LRRC4C: variants seen among roughly 807,000 people sequenced by gnomAD.
LRRC4C encodes the protein leucine-rich repeat-containing protein 4C.
Under a neutral mutation model 33.6 loss-of-function variants are expected in LRRC4C, and 5 were observed. The observed-to-expected ratio is 0.15, with a 90% confidence interval of 0.08 to 0.31. The LOEUF (loss-of-function observed/expected upper bound fraction) is 0.31, where lower values mean the gene tolerates loss of function less well. Ranked by LOEUF, LRRC4C falls within the 10% of genes least tolerant of loss-of-function variation. LRRC4C has a pLI of 1.00. For synonymous variants in LRRC4C, 329 were observed against 302.0 expected (o/e 1.09, Z -0.93); for missense variants, 560 against 796.7 (o/e 0.70, Z 3.58).
intron 5 of LRRC4C, among the ~76,000 whole-genome samples, chr11:40,207,229 G>A (rs1863225947): frequency 6.6e-6 from 1 of 152,126 alleles, no homozygotes; most frequent in Non-Finnish European, 1.5e-5. Flanking sequence ...TAAGAAGTTT[G>A]GGTGACGGAA....
chr11:40,585,599 T>C (rs1218546662), intron 3 of LRRC4C, among the ~76,000 whole-genome samples: 1 of 142,718 alleles, frequency 7.0e-6, no homozygotes, highest in African/African-American at 2.6e-5. Context: ...ATTAGGTATA[T>C]CTCCCAATGG....
chr11:40,143,748 C>G (rs1235501004), intron 5 of LRRC4C, among the ~76,000 whole-genome samples: 1 of 152,122 alleles, frequency 6.6e-6, no homozygotes, highest in Non-Finnish European at 1.5e-5. Flanking sequence ...TGTTTTATTT[C>G]GCTTGATAAA....
intron 1 of LRRC4C, among the ~76,000 whole-genome samples, chr11:41,094,736 C>G (rs919784498): frequency 2.6e-5 from 4 of 152,016 alleles, no homozygotes; most frequent in African/African-American, 9.7e-5. Flanking sequence ...AAGATCAAAG[C>G]ATTTATCTTT....
At chr11:41,345,624 A>T (rs896486814) in intron 1 of LRRC4C, among the ~76,000 whole-genome samples, 1 of 152,226 alleles carries the variant, frequency 6.6e-6, no homozygotes, top group Non-Finnish European at 1.5e-5. Context: ...AGGTAAAATC[A>T]TTTGACCCTT....
chr11:40,722,344 C>T (rs750234271), intron 2 of LRRC4C, among the ~76,000 whole-genome samples: 13 of 152,090 alleles, frequency 8.5e-5, no homozygotes, highest in Non-Finnish European at 1.8e-4. Flanking sequence ...AAGGAGGTAC[C>T]GCCGCTAAGC....
At chr11:41,086,329 CTTATATA>C (rs1396769486) in intron 1 of LRRC4C, among the ~76,000 whole-genome samples, 2 of 152,108 alleles carry the variant, frequency 1.3e-5, no homozygotes, top group East Asian at 3.9e-4. Flanking sequence ...CTATTTAGCA[CTTATATA>C]TTGTATTATA....
At chr11:40,625,201 A>G (rs1565572291) in intron 3 of LRRC4C, among the ~76,000 whole-genome samples, 1 of 152,250 alleles carries the variant, frequency 6.6e-6, no homozygotes, top group East Asian at 1.9e-4. Context: ...GCTCTTAATC[A>G]CTGTTATACT....
At chr11:40,517,136 C>A (rs7122255) in intron 3 of LRRC4C, among the ~76,000 whole-genome samples, 1 of 152,068 alleles carries the variant, frequency 6.6e-6, no homozygotes, top group African/African-American at 2.4e-5. Flanking sequence ...TTTCAGGATG[C>A]CTCTCTCAGA....
chr11:41,152,938 T>A (rs1334417366), intron 1 of LRRC4C, among the ~76,000 whole-genome samples: 1 of 152,176 alleles, frequency 6.6e-6, no homozygotes, highest in Non-Finnish European at 1.5e-5. Flanking sequence ...CATCTTATAG[T>A]CTTATATGTA....
At chr11:40,724,323 C>G (rs962491851) in intron 2 of LRRC4C, among the ~76,000 whole-genome samples, 3 of 152,116 alleles carry the variant, frequency 2.0e-5, no homozygotes, top group Non-Finnish European at 4.4e-5. Context: ...CTTTAGCACA[C>G]AGAACATACT....
chr11:40,865,466 G>A (rs149090622), intron 2 of LRRC4C, among the ~76,000 whole-genome samples: 250 of 151,416 alleles, frequency 1.7e-3, no homozygotes, highest in African/African-American at 5.9e-3. Context: ...GACTATATGA[G>A]GCAAGGCATA....
Position 40,556,009 on chromosome 11 carries a change from T to C in LRRC4C, c.-270+92133A>G, listed in dbSNP as rs188557941. Among the ~76,000 whole-genome samples the C allele has an allele frequency of 6.6e-4, 101 of 152,212 alleles. 1 individual carries two copies. Among genetic ancestry groups the C allele is most frequent in the Non-Finnish European group, 5.9e-5 (4 of 67,972 alleles). ...TCTCATTTTGACCCAATAGAAAAAATGAAACTATAGCCTCTTCTTTCTCGG... is the reference window on the plus strand; with the variant it reads ...TCTCATTTTGACCCAATAGAAAAAACGAAACTATAGCCTCTTCTTTCTCGG... On this transcript the variant is annotated intron_variant, in intron 3 of 6. Transcript: ENST00000528697.
At chr11:40,195,903 A>G (rs1424491643) in intron 5 of LRRC4C, among the ~76,000 whole-genome samples, 1 of 152,206 alleles carries the variant, frequency 6.6e-6, no homozygotes, top group African/African-American at 2.4e-5. Flanking sequence ...AATTTGTCAA[A>G]AATCACCACA....
At chr11:40,442,996 T>C (rs1481018573) in intron 3 of LRRC4C, among the ~76,000 whole-genome samples, 1 of 152,330 alleles carries the variant, frequency 6.6e-6, no homozygotes, top group African/African-American at 2.4e-5. Context: ...AAAACTCTAA[T>C]ATATAATTCC....
At chr11:40,762,843 A>G (rs1949284710) in intron 2 of LRRC4C, among the ~76,000 whole-genome samples, 2 of 151,844 alleles carry the variant, frequency 1.3e-5, no homozygotes, top group Non-Finnish European at 2.9e-5. Context: ...TTCTACACCA[A>G]ACTCTTTCGA....
At chr11:41,287,351 A>G (rs1027851741) in intron 1 of LRRC4C, among the ~76,000 whole-genome samples, 4 of 152,170 alleles carry the variant, frequency 2.6e-5, no homozygotes, top group African/African-American at 9.6e-5. Context: ...GGATGATGGA[A>G]GGGTTTCTTA....
intron 1 of LRRC4C, among the ~76,000 whole-genome samples, chr11:41,316,327 TTAAATC>T (rs1950797141): frequency 6.7e-6 from 1 of 150,014 alleles, no homozygotes; most frequent in African/African-American, 2.5e-5. Flanking sequence ...TGATTATTGA[TTAAATC>T]TAAATCTATT....
intron 3 of LRRC4C, among the ~76,000 whole-genome samples, chr11:40,328,527 G>A (rs112330623): frequency 5.3e-5 from 8 of 152,114 alleles, no homozygotes; most frequent in East Asian, 3.9e-4. Flanking sequence ...TTTAATCCAC[G>A]TCATCATACT....
At chr11:40,976,176 C>T (rs1852072961) in intron 1 of LRRC4C, among the ~76,000 whole-genome samples, 1 of 152,140 alleles carries the variant, frequency 6.6e-6, no homozygotes, top group Non-Finnish European at 1.5e-5. Context: ...CATGATATCT[C>T]CTTGCACTTG....
Sources: allele counts gnomAD v4.1 joint callset (sites outside exome capture counted in the v4.1 genomes callset), GRCh38; gene constraint gnomAD v4.1.1; transcripts MANE v1.5; gene names NCBI Gene and HGNC (gene_info 2026-07-23, HGNC 2026-07-21).